Variants in PCDHGB1 observed in about 807,000 individuals in gnomAD.
PCDHGB1 encodes protocadherin gamma-B1.
A neutral mutation model predicts 56.6 loss-of-function variants in PCDHGB1; 34 were observed. That is an observed-to-expected ratio of 0.60 (90% CI 0.46 to 0.80). The LOEUF (loss-of-function observed/expected upper bound fraction) is 0.80. PCDHGB1 is among the 30% of genes least tolerant of loss of function. PCDHGB1 has a pLI of 0.00. For missense variants in PCDHGB1, 1,278 were observed against 1,204.6 expected, an observed-to-expected ratio of 1.06 and a Z score of -0.90; for synonymous variants, 561 against 505.9, an observed-to-expected ratio of 1.11 and a Z score of -1.46.
rs1179408656 is a variant in PCDHGB1, at chr5:141,395,537, A to ATTGT, written c.2409+42873_2409+42876dup. 1,010 of 243,944 alleles carry ATTGT rather than the reference A, an allele frequency of 4.1e-3. 17 individuals are homozygous for ATTGT. In the African/African-American group the frequency reaches 0.049, roughly 12 times the overall value. The allele number at this position is 243,944 out of a possible 1,614,324, so 15.1% of individuals were successfully genotyped here. On this transcript the variant is annotated intron_variant, in intron 1 of 3. Coordinates refer to ENST00000523390, the MANE Select transcript of PCDHGB1 (RefSeq NM_018922.3). ...ACCCGTCCATACTGGTAATTTTGCT[A>ATTGT]TTGTTTGTGTGTGTGTGTGTGTGTG... is the stretch of plus-strand genomic sequence containing the variant.
rs60063068 is a variant in PCDHGB1, at chr5:141,477,262, C to T, written c.2410-17545C>T. The T allele has an allele frequency of 1.9e-4, 313 of 1,614,138 alleles. No individual in the cohort carries two copies. In the African/African-American group the frequency reaches 3.7e-3, roughly 19 times the overall value. On this transcript the variant is annotated intron_variant, in intron 1 of 3. Coordinates refer to ENST00000523390, the MANE Select transcript of PCDHGB1 (RefSeq NM_018922.3). This position sits in a 1 kb window ranked among gnomAD's most constrained non-coding sequence, Gnocchi z 4.9. ...TCAGTGTGACTGACCTGGATGCTGG[C>T]GAGAACGGGCTGGTGACCTGCGAAG...
At chr5:141,371,542 T>A in intron 1 of PCDHGB1, 1 of 1,613,786 alleles carries the variant, frequency 6.2e-7, no homozygotes, top group Non-Finnish European at 8.5e-7. Flanking sequence ...GGAGAAATCC[T>A]ATGCCAACTA....
In PCDHGB1 at chr5:141,491,561, A is replaced by G. The variant is rs1289732955; in HGVS notation, c.2410-3246A>G. ...CCCACAGACTCGCAGAGCCACTGCT[A>G]CAGGACGTGCTTTTCACCGGCCTCG... On this transcript the variant is annotated intron_variant, in intron 1 of 3. Transcript: ENST00000523390. The surrounding 1 kb of genome is among the most constrained non-coding windows in gnomAD (Gnocchi z 6.9). The G allele has an allele frequency of 6.2e-7, 1 of 1,613,938 alleles. No homozygotes were observed. Among genetic ancestry groups the G allele is most frequent in the Non-Finnish European group, 8.5e-7 (1 of 1,180,018 alleles).
At chr5:141,366,560 G>A (rs1441467698) in intron 1 of PCDHGB1, 2 of 1,614,132 alleles carry the variant, frequency 1.2e-6, no homozygotes, top group Non-Finnish European at 1.7e-6. Flanking sequence ...TGTGGGCGTG[G>A]ATGGGGTTCG....
At chr5:141,412,906 T>G in intron 1 of PCDHGB1, 1 of 384,208 alleles carries the variant, frequency 2.6e-6, no homozygotes, top group Non-Finnish European at 4.6e-6. Context: ...TTCCATTGCA[T>G]GTATCACTTG....
Position 141,486,587 on chromosome 5 carries a change from G to C in PCDHGB1, c.2410-8220G>C. 6.2e-7 allele frequency: 1 copy of C among 1,613,596 alleles called. No individual in the cohort carries two copies. The highest frequency in any genetic ancestry group is 8.5e-7 in the Non-Finnish European group (1 of 1,180,006). On this transcript the variant is annotated intron_variant, in intron 1 of 3. Transcript: ENST00000523390. The surrounding 1 kb of genome is among the most constrained non-coding windows in gnomAD (Gnocchi z 5.0). ...TGTTCCTGAGAACAATCGCCCAGGG[G>C]ACCTGCTTTGCTCCCTTGCAGCCTC...
chr5:141,365,082 T>A lies in PCDHGB1; in HGVS notation c.2409+12413T>A, dbSNP rs769625651. 5 of 1,613,852 alleles carry A rather than the reference T, an allele frequency of 3.1e-6. No homozygotes were observed. In the South Asian group the frequency reaches 5.5e-5, roughly 18 times the overall value. On this transcript the variant is annotated intron_variant, in intron 1 of 3. Coordinates refer to ENST00000523390, the MANE Select transcript of PCDHGB1 (RefSeq NM_018922.3). ...ACCCCATCCGAGTACAGCGTGAGTG[T>A]TCCAGAGAACATACCTGTGGGCACT... is the stretch of plus-strand genomic sequence containing the variant.
In PCDHGB1 at chr5:141,485,111, G is replaced by C. The variant is rs2099607127; in HGVS notation, c.2410-9696G>C. On this transcript the variant is annotated intron_variant, in intron 1 of 3. Coordinates refer to ENST00000523390, the MANE Select transcript of PCDHGB1 (RefSeq NM_018922.3). The surrounding 1 kb of genome is among the most constrained non-coding windows in gnomAD (Gnocchi z 5.7). The stretch of plus-strand genomic sequence containing the variant: ...ATAGGTGTCTCCAGCTGCTGTGGCT[G>C]TTTGGGGCGGGTCGGCTTCATCCGC... 5.4e-6 allele frequency: 7 copies of C among 1,287,562 alleles called. No individual in the cohort carries two copies. The highest frequency in any genetic ancestry group is 7.8e-6 in the Non-Finnish European group (7 of 899,436). 79.8% of individuals were successfully genotyped at this position (1,287,562 alleles called of 1,614,324 possible). A position where few individuals can be genotyped will look rare whatever the true frequency, so the allele number is the denominator to read the frequency against.
intron 1 of PCDHGB1, among the ~76,000 whole-genome samples, chr5:141,382,170 C>T (rs1056617010): frequency 1.3e-5 from 2 of 151,888 alleles, no homozygotes; most frequent in Non-Finnish European, 2.9e-5. Context: ...GGTGTTAGAC[C>T]GTCTCTAAGG....
At chr5:141,421,565 A>G (rs1373619696) in intron 1 of PCDHGB1, 1 of 1,613,952 alleles carries the variant, frequency 6.2e-7, no homozygotes, top group Admixed American at 1.7e-5. Context: ...CTCGTGGAAG[A>G]CACCTTGAAG....
chr5:141,488,497 C>T (rs1054409265), intron 1 of PCDHGB1, among the ~76,000 whole-genome samples: 3 of 152,204 alleles, frequency 2.0e-5, no homozygotes, highest in South Asian at 2.1e-4. Flanking sequence ...CTGTAACACT[C>T]ATTCCACATT....
intron 1 of PCDHGB1, chr5:141,408,782 T>A: frequency 6.2e-7 from 1 of 1,612,108 alleles, no homozygotes. Context: ...ATACCCAGAG[T>A]TATCTCTGGA....
chr5:141,420,795 A>G (rs1046945975), intron 1 of PCDHGB1, among the ~76,000 whole-genome samples: 1 of 152,260 alleles, frequency 6.6e-6, no homozygotes, highest in Non-Finnish European at 1.5e-5. Flanking sequence ...AAAACTTTTT[A>G]AAAATTAAGC....
chr5:141,494,924 TGGGAGGAGATGGGGGAG>T, intron 2 of PCDHGB1, 59 bp downstream of exon 2: 1 of 1,613,498 alleles, frequency 6.2e-7, no homozygotes, highest in Admixed American at 1.7e-5. Flanking sequence ...AGGGATGACG[TGGGAGGAGATGGGGGAG>T]GGCCCAGCAT....
intron 1 of PCDHGB1, chr5:141,404,606 G>T: frequency 6.2e-7 from 1 of 1,614,106 alleles, no homozygotes; most frequent in Non-Finnish European, 8.5e-7. Flanking sequence ...GAGACTGTTT[G>T]TTTTGGACCA....
rs763072566 is a variant in PCDHGB1 at position 141,419,417 on chromosome 5, T to G, written c.2409+66748T>G. The stretch of plus-strand genomic sequence containing the variant: ...CGGGGTGGTGTTCGCGCAGCGCGCC[T>G]TCGACCACGAGCAGCTGCGCACCTT... On this transcript the variant is annotated intron_variant, in intron 1 of 3. Transcript: ENST00000523390. 3.0e-5 allele frequency: 48 copies of G among 1,613,288 alleles called. No homozygotes were observed. Among genetic ancestry groups the G allele is most frequent in the Non-Finnish European group, 3.8e-5 (45 of 1,179,884 alleles).
chr5:141,360,645 C>T, intron 1 of PCDHGB1: 3 of 1,613,980 alleles, frequency 1.9e-6, no homozygotes, highest in Non-Finnish European at 2.5e-6. Flanking sequence ...TACAAAGATA[C>T]CACCTTAATG....
rs765969768 is a variant in PCDHGB1, at chr5:141,421,456, G to A, written c.2409+68787G>A. ...CTCCAGAGGGAAGACACAGCTTTTC[G>A]CTGTGAATCCGCGAAGCGGCAGCTT... is the stretch of plus-strand genomic sequence containing the variant. On this transcript the variant is annotated intron_variant, in intron 1 of 3. Transcript: ENST00000523390. 9.3e-6 allele frequency: 15 copies of A among 1,614,132 alleles called. No homozygotes were observed. Among genetic ancestry groups the A allele is most frequent in the Non-Finnish European group, 1.1e-5 (13 of 1,179,948 alleles).
intron 1 of PCDHGB1, among the ~76,000 whole-genome samples, chr5:141,444,257 C>T (rs376980362): frequency 1.2e-4 from 18 of 147,512 alleles, no homozygotes; most frequent in East Asian, 6.0e-4. Context: ...CTGCAACCTC[C>T]GCCTCCCAGG....
Sources: allele counts gnomAD v4.1 joint callset (sites outside exome capture counted in the v4.1 genomes callset), GRCh38; gene constraint gnomAD v4.1.1; non-coding constraint Gnocchi (gnomAD v3.1); transcripts MANE v1.5; gene names NCBI Gene and HGNC (gene_info 2026-07-23, HGNC 2026-07-21).